Variants in CNTNAP5 observed in about 807,000 individuals in gnomAD.
CNTNAP5 encodes the protein contactin-associated protein-like 5.
CNTNAP5 carries 72 observed loss-of-function variants against 150.2 expected under a neutral mutation model. The observed-to-expected ratio is 0.48, with a 90% CI of 0.40 to 0.58. CNTNAP5 has a LOEUF of 0.58. CNTNAP5 is among the 20% of genes least tolerant of loss of function. CNTNAP5 has a pLI of 0.00. For synonymous variants in CNTNAP5, 672 were observed against 619.8 expected, an observed-to-expected ratio of 1.08 and a Z score of -1.25; for missense variants, 1,636 against 1,626.2, an observed-to-expected ratio of 1.01 and a Z score of -0.10.
At chr2:124,885,229 G>A (rs1347164054) in intron 21 of CNTNAP5, among the ~76,000 whole-genome samples, 3 of 151,788 alleles carry the variant, frequency 2.0e-5, no homozygotes, top group Non-Finnish European at 4.4e-5. Flanking sequence ...CTGCTCATAA[G>A]GTCTTGCAAT....
intron 1 of CNTNAP5, among the ~76,000 whole-genome samples, chr2:124,148,845 T>C (rs1462865747): frequency 3.3e-5 from 5 of 149,500 alleles, no homozygotes; most frequent in Non-Finnish European, 6.0e-5. Context: ...ACAGACACTA[T>C]GCATCTATAG....
At chr2:124,618,276 A>T (rs561844782) in intron 12 of CNTNAP5, among the ~76,000 whole-genome samples, 1 of 152,092 alleles carries the variant, frequency 6.6e-6, no homozygotes, top group Non-Finnish European at 1.5e-5. Flanking sequence ...AAAAAAAAAG[A>T]TGAGCAACAG....
rs577068495 is a variant in CNTNAP5 at position 124,160,778 on chromosome 2, T to C, written c.83-60927T>C. On this transcript the variant is annotated intron_variant, in intron 1 of 23. Transcript: ENST00000682447. ...AGCAAACCCTGTGTTAAATTTTACA[T>C]TTGTCACTTGGTTGGTTCTTTGGGA... Among the ~76,000 whole-genome samples, 57 of 152,290 alleles carry C rather than the reference T, an allele frequency of 3.7e-4. 1 individual carries two copies. Among genetic ancestry groups the C allele is most frequent in the South Asian group, 1.4e-3 (7 of 4,830 alleles).
chr2:124,454,830 A>G (rs1471230878), intron 6 of CNTNAP5, among the ~76,000 whole-genome samples: 2 of 152,124 alleles, frequency 1.3e-5, no homozygotes, highest in African/African-American at 2.4e-5. Context: ...AAATTAAAAA[A>G]TTTTTTGAAC....
chr2:124,881,239 C>T (rs1677958013), intron 21 of CNTNAP5, among the ~76,000 whole-genome samples: 1 of 152,080 alleles, frequency 6.6e-6, no homozygotes, highest in African/African-American at 2.4e-5. Flanking sequence ...GACTGGTATG[C>T]AGGCTATGCT....
At chr2:124,773,335 G>A (rs1489135523) in intron 17 of CNTNAP5, among the ~76,000 whole-genome samples, 1 of 152,124 alleles carries the variant, frequency 6.6e-6, no homozygotes, top group African/African-American at 2.4e-5. Context: ...CAAGGGACAG[G>A]ACATGTCAAC....
intron 17 of CNTNAP5, among the ~76,000 whole-genome samples, chr2:124,786,811 TA>T (rs1043926585): frequency 5.3e-5 from 8 of 152,130 alleles, no homozygotes; most frequent in Non-Finnish European, 1.0e-4. Flanking sequence ...TCTCTACACA[TA>T]GTAGGTAAAA....
intron 3 of CNTNAP5, among the ~76,000 whole-genome samples, chr2:124,286,998 T>C (rs1459239080): frequency 6.6e-6 from 1 of 152,150 alleles, no homozygotes; most frequent in Non-Finnish European, 1.5e-5. Flanking sequence ...CAGCCATGGC[T>C]CAGATGTATG....
At chr2:124,188,572 A>G (rs1685385067) in intron 1 of CNTNAP5, among the ~76,000 whole-genome samples, 1 of 151,964 alleles carries the variant, frequency 6.6e-6, no homozygotes, top group South Asian at 2.1e-4. Context: ...ACAAAAAATT[A>G]GCCGGGCGTG....
At position 124,752,799 on chromosome 2, in the gene CNTNAP5, T is replaced by TGA. The variant is rs1170318709; in HGVS notation, c.2234+5415_2234+5416dup. 2.6e-5 allele frequency among the ~76,000 whole-genome samples: 4 copies of TGA among 152,246 alleles called. No homozygotes were observed. In the East Asian group the frequency reaches 7.7e-4, roughly 29 times the overall value. On this transcript the variant is annotated intron_variant, in intron 14 of 23. Coordinates refer to ENST00000682447, the MANE Select transcript of CNTNAP5 (RefSeq NM_001367498.1). ...TTGAGAGTAAGAAAGGAAACTCTGG[T>TGA]GACAGCTCTGGGTTGCAGACCCTGG...
intron 4 of CNTNAP5, among the ~76,000 whole-genome samples, chr2:124,424,104 T>G (rs1332424226): frequency 6.6e-6 from 1 of 152,216 alleles, no homozygotes; most frequent in East Asian, 1.9e-4. Flanking sequence ...TCCTATTTGG[T>G]TAATTACTCG....
At chr2:124,068,201 G>A (rs1682212050) in intron 1 of CNTNAP5, among the ~76,000 whole-genome samples, 1 of 152,152 alleles carries the variant, frequency 6.6e-6, no homozygotes, top group Non-Finnish European at 1.5e-5. Flanking sequence ...GACTAGGAGA[G>A]TCAGTCTTGA....
intron 3 of CNTNAP5, among the ~76,000 whole-genome samples, chr2:124,368,141 G>A (rs1472595050): frequency 2.0e-5 from 3 of 152,046 alleles, no homozygotes; most frequent in Non-Finnish European, 4.4e-5. Flanking sequence ...ACAAACAATT[G>A]CAATAATAAA....
intron 1 of CNTNAP5, among the ~76,000 whole-genome samples, chr2:124,199,865 T>A (rs1167019684): frequency 6.6e-6 from 1 of 152,240 alleles, no homozygotes; most frequent in African/African-American, 2.4e-5. Flanking sequence ...ATTCTCATAA[T>A]CTCTATGTAG....
At chr2:124,784,222 G>C (rs1288139473) in intron 17 of CNTNAP5, among the ~76,000 whole-genome samples, 1 of 152,160 alleles carries the variant, frequency 6.6e-6, no homozygotes, top group Non-Finnish European at 1.5e-5. Context: ...TATGAAATAA[G>C]AGCCTGACCT....
intron 10 of CNTNAP5, among the ~76,000 whole-genome samples, chr2:124,538,679 G>A (rs980217940): frequency 2.0e-5 from 3 of 150,384 alleles, no homozygotes; most frequent in African/African-American, 7.3e-5. Flanking sequence ...AGAAAGGAAG[G>A]AAGAAAGGAA....
intron 21 of CNTNAP5, among the ~76,000 whole-genome samples, chr2:124,873,149 A>G (rs768893675): frequency 5.9e-5 from 9 of 152,112 alleles, no homozygotes; most frequent in Non-Finnish European, 8.8e-5. Context: ...TCTTAAAGTA[A>G]TGGCAGGAGA....
chr2:124,740,517 A>G (rs1056653833), intron 13 of CNTNAP5, among the ~76,000 whole-genome samples: 16 of 152,152 alleles, frequency 1.1e-4, no homozygotes, highest in Non-Finnish European at 1.5e-4. Flanking sequence ...GATTGGGTTT[A>G]TATAAATCAC....
chr2:124,713,318 C>CCTTTCTTT (rs200942591), intron 13 of CNTNAP5, among the ~76,000 whole-genome samples: 2,538 of 43,848 alleles, frequency 0.058, 197 homozygotes, highest in Non-Finnish European at 0.065. Flanking sequence ...CTCTTTCTTT[C>CCTTTCTTT]CTTTCTTTCT....
Sources: allele counts gnomAD v4.1 joint callset (sites outside exome capture counted in the v4.1 genomes callset), GRCh38; gene constraint gnomAD v4.1.1; transcripts MANE v1.5; gene names NCBI Gene and HGNC (gene_info 2026-07-23, HGNC 2026-07-21).